Variants in SHROOM3 observed in about 807,000 individuals in gnomAD.
SHROOM3 encodes shroom family member 3, also known as protein Shroom3.
SHROOM3 carries 47 observed loss-of-function variants against 138.6 expected under a neutral mutation model. That is an observed-to-expected ratio of 0.34 (90% CI 0.27 to 0.43). The LOEUF is 0.43. Ranked by LOEUF, SHROOM3 falls within the 20% of genes least tolerant of loss-of-function variation. The pLI is 1.00. For synonymous variants in SHROOM3, 1,062 were observed against 1,063.3 expected (o/e 1.00, Z 0.02); for missense variants, 2,491 against 2,596.5 (o/e 0.96, Z 0.88).
At chr4:76,737,772 A>C (rs1485744328) in intron 4 of SHROOM3, among the ~76,000 whole-genome samples, 3 of 151,752 alleles carry the variant, frequency 2.0e-5, no homozygotes, top group African/African-American at 7.3e-5. Flanking sequence ...CAGCCTTTTC[A>C]TTTGCTTTTT....
intron 1 of SHROOM3, among the ~76,000 whole-genome samples, chr4:76,465,498 G>A (rs891613873): frequency 6.6e-6 from 1 of 152,190 alleles, no homozygotes; most frequent in Non-Finnish European, 1.5e-5. Flanking sequence ...GCCTGGCCAA[G>A]ACTTTCTCAG....
intron 2 of SHROOM3, among the ~76,000 whole-genome samples, chr4:76,579,398 A>G (rs1355491639): frequency 1.3e-5 from 2 of 149,534 alleles, no homozygotes; most frequent in Non-Finnish European, 3.0e-5. Flanking sequence ...AACCCGGGAG[A>G]CTGAGCTTGC....
rs544443616 is a variant in SHROOM3, at chr4:76,657,712, G to C, written c.324-52444G>C. On this transcript the variant is annotated intron_variant, in intron 2 of 10. Transcript: ENST00000296043. ...CCATTGACCTGTTATGCTAATTATA[G>C]AAGAAACCTGCTTCTCTGCTCTGTG... 4.6e-5 allele frequency among the ~76,000 whole-genome samples: 7 copies of C among 152,274 alleles called. No individual in the cohort carries two copies. The South Asian group carries it at 1.5e-3, about 32-fold the overall frequency.
At chr4:76,691,752 G>T (rs1719548464) in intron 2 of SHROOM3, among the ~76,000 whole-genome samples, 1 of 152,194 alleles carries the variant, frequency 6.6e-6, no homozygotes, top group Non-Finnish European at 1.5e-5. Flanking sequence ...CCTGTCTTAT[G>T]TGTTAAATCT....
intron 1 of SHROOM3, among the ~76,000 whole-genome samples, chr4:76,510,201 A>G (rs1233876174): frequency 2.0e-5 from 3 of 152,230 alleles, no homozygotes; most frequent in Admixed American, 6.5e-5. Context: ...GTATTATTTT[A>G]TAGTACAAAC....
chr4:76,482,648 A>C (rs1731641297), intron 1 of SHROOM3, among the ~76,000 whole-genome samples: 1 of 152,234 alleles, frequency 6.6e-6, no homozygotes, highest in Admixed American at 6.5e-5. Context: ...AGAAAAAATT[A>C]CTTTAAATTT....
rs1436143721 is a variant in SHROOM3, at chr4:76,741,957, A to T, written c.3753+31A>T. ...TGCAACCAGCAAGTCCTGGCCTCGA[A>T]CTGTCCCTTCCTCCCTAGAAGCTTT... On this transcript the variant is annotated intron_variant, in intron 5 of 10. Transcript: ENST00000296043. The surrounding 1 kb of genome is among the most constrained non-coding windows in gnomAD (Gnocchi z 6.2). 5.0e-6 allele frequency: 8 copies of T among 1,606,186 alleles called. No homozygotes were observed. Among genetic ancestry groups the T allele is most frequent in the Non-Finnish European group, 6.8e-6 (8 of 1,177,294 alleles).
intron 3 of SHROOM3, among the ~76,000 whole-genome samples, chr4:76,723,046 G>A (rs1238859933): frequency 1.3e-5 from 2 of 151,826 alleles, no homozygotes; most frequent in African/African-American, 4.8e-5. Context: ...TGCAACATGT[G>A]TCATAACAGT....
chr4:76,727,704 A>G (rs935342194), intron 3 of SHROOM3, among the ~76,000 whole-genome samples: 4 of 152,100 alleles, frequency 2.6e-5, no homozygotes, highest in Non-Finnish European at 4.4e-5. Flanking sequence ...CCTGGCCAAT[A>G]TGGTGAAAGC....
At chr4:76,522,090 AG>A (rs931153660) in intron 1 of SHROOM3, among the ~76,000 whole-genome samples, 53 of 151,766 alleles carry the variant, frequency 3.5e-4, no homozygotes, top group African/African-American at 1.2e-3. Flanking sequence ...AAAAAAAGGC[AG>A]GGAACTGTTG....
intron 9 of SHROOM3, among the ~76,000 whole-genome samples, chr4:76,762,516 C>G (rs1722019106): frequency 6.6e-6 from 1 of 152,170 alleles, no homozygotes; most frequent in Non-Finnish European, 1.5e-5. Context: ...TCTGGCTCTT[C>G]AGGGATAAAG....
chr4:76,518,526 A>ACCTT (rs1560531465), intron 1 of SHROOM3, among the ~76,000 whole-genome samples: 1 of 50,788 alleles, frequency 2.0e-5, no homozygotes, highest in Non-Finnish European at 4.3e-5. Flanking sequence ...CTTCCTTCCT[A>ACCTT]CCTTCCTTCC....
chr4:76,752,113 C>A (rs566226971), intron 6 of SHROOM3, among the ~76,000 whole-genome samples: 1 of 152,306 alleles, frequency 6.6e-6, no homozygotes, highest in African/African-American at 2.4e-5. Context: ...GTGGTATAGC[C>A]ATACAATGGA....
intron 9 of SHROOM3, among the ~76,000 whole-genome samples, chr4:76,767,529 T>C (rs1395409093): frequency 3.3e-5 from 5 of 151,980 alleles, no homozygotes; most frequent in African/African-American, 1.2e-4. Flanking sequence ...AATACAAAAT[T>C]AGCTGGGCGT....
At chr4:76,689,810 G>C (rs4475167) in intron 2 of SHROOM3, 561,178 of 948,588 alleles carry the variant, frequency 0.59, 169,066 homozygotes, top group East Asian at 0.94. Context: ...AGCCCTGTCT[G>C]GAGGATGGCT....
chr4:76,522,151 CT>C (rs35818041), intron 1 of SHROOM3, among the ~76,000 whole-genome samples: 26,978 of 140,326 alleles, frequency 0.19, 2,530 homozygotes, highest in East Asian at 0.31. Flanking sequence ...CTGATTGGAT[CT>C]TTTTTTTTTT....
chr4:76,561,073 T>TG (rs1231127371), intron 2 of SHROOM3, among the ~76,000 whole-genome samples: 1 of 152,182 alleles, frequency 6.6e-6, no homozygotes, highest in Non-Finnish European at 1.5e-5. Flanking sequence ...AAGACTTTGG[T>TG]GGGGAAATTA....
At chr4:76,720,917 G>A (rs977122939) in intron 3 of SHROOM3, among the ~76,000 whole-genome samples, 16 of 150,308 alleles carry the variant, frequency 1.1e-4, no homozygotes, top group Middle Eastern at 3.4e-3. Context: ...GCCTCCCCCC[G>A]AATTATTTCT....
chr4:76,460,332 C>G (rs541383513), intron 1 of SHROOM3, among the ~76,000 whole-genome samples: 2 of 152,158 alleles, frequency 1.3e-5, no homozygotes, highest in Non-Finnish European at 2.9e-5. Context: ...AAAGCACAAG[C>G]TGTAGAGCCA....
Sources: gnomAD v4.1 joint callset for allele counts (sites outside exome capture counted in the v4.1 genomes callset) on GRCh38, gnomAD v4.1.1 for gene constraint, Gnocchi (gnomAD v3.1) non-coding constraint, MANE v1.5 for transcripts, NCBI Gene and HGNC (gene_info 2026-07-23, HGNC 2026-07-21) for gene names.